The following PCDH15 variants were observed in gnomAD, a reference collection of about 807,000 sequenced individuals.
The protein encoded by PCDH15 is protocadherin-15.
A neutral mutation model predicts 178.5 loss-of-function variants in PCDH15; 129 were observed. The ratio of observed to expected loss-of-function variants is 0.72; its 90% CI spans 0.63 to 0.84. The LOEUF is 0.84. Ranked by LOEUF, PCDH15 falls within the 40% of genes least tolerant of loss-of-function variation. The pLI, the probability that PCDH15 is intolerant of heterozygous loss-of-function variation, is 0.00. For missense variants in PCDH15, 2,230 were observed against 2,099.9 expected, an observed-to-expected ratio of 1.06 and a Z score of -1.21; for synonymous variants, 800 against 732.0, an observed-to-expected ratio of 1.09 and a Z score of -1.50.
At chr10:54,042,413 G>A (rs1236476455) in intron 18 of PCDH15, among the ~76,000 whole-genome samples, 2 of 152,074 alleles carry the variant, frequency 1.3e-5, no homozygotes, top group Non-Finnish European at 2.9e-5. Flanking sequence ...AAGGGAAAGG[G>A]GGTATACTTG....
At chr10:53,838,061 G>C (rs1360376040) in intron 29 of PCDH15, among the ~76,000 whole-genome samples, 1 of 151,336 alleles carries the variant, frequency 6.6e-6, no homozygotes, top group Non-Finnish European at 1.5e-5. Context: ...CTGCATGCTC[G>C]GCCTCCTGGG....
At chr10:55,282,427 T>C (rs1277940092) in intron 1 of PCDH15, among the ~76,000 whole-genome samples, 1 of 152,200 alleles carries the variant, frequency 6.6e-6, no homozygotes, top group African/African-American at 2.4e-5. Context: ...ACACTGTTAT[T>C]ACACTATGTC....
chr10:55,310,266 GC>G (rs1399471595), intron 1 of PCDH15, among the ~76,000 whole-genome samples: 3 of 151,712 alleles, frequency 2.0e-5, no homozygotes, highest in African/African-American at 7.3e-5. Flanking sequence ...ATTTTATTAT[GC>G]CCCCAGCATG....
At chr10:54,596,052 T>G (rs2092219142) in intron 2 of PCDH15, among the ~76,000 whole-genome samples, 1 of 152,042 alleles carries the variant, frequency 6.6e-6, no homozygotes, top group South Asian at 2.1e-4. Context: ...AGTCAGGATA[T>G]CATCCATGAG....
chr10:54,003,052 C>T (rs560573012), intron 20 of PCDH15, among the ~76,000 whole-genome samples: 1 of 152,094 alleles, frequency 6.6e-6, no homozygotes, highest in South Asian at 2.1e-4. Flanking sequence ...TTAGCAAGAC[C>T]ACGAATCCAT....
intron 2 of PCDH15, among the ~76,000 whole-genome samples, chr10:54,983,954 G>A (rs181600702): frequency 5.9e-5 from 9 of 152,216 alleles, no homozygotes; most frequent in South Asian, 4.1e-4. Flanking sequence ...TAGCATAAAC[G>A]CTATATATAT....
At chr10:54,787,331 T>A (rs1474310110) in intron 1 of PCDH15, among the ~76,000 whole-genome samples, 4 of 151,950 alleles carry the variant, frequency 2.6e-5, no homozygotes, top group African/African-American at 9.7e-5. Flanking sequence ...GTTACACAAA[T>A]ATATAAAGTG....
At chr10:53,949,146 G>A (rs76745993) in intron 23 of PCDH15, among the ~76,000 whole-genome samples, 4,650 of 152,274 alleles carry the variant, frequency 0.031, 113 homozygotes, top group Middle Eastern at 0.058. Context: ...ATGTGAAAGA[G>A]AAATTAAATT....
intron 2 of PCDH15, among the ~76,000 whole-genome samples, chr10:54,563,922 C>T (rs932573704): frequency 6.6e-6 from 1 of 152,156 alleles, no homozygotes; most frequent in African/African-American, 2.4e-5. Context: ...GACTGGTTGC[C>T]TCACAGGGGG....
intron 2 of PCDH15, among the ~76,000 whole-genome samples, chr10:55,496,606 G>C (rs1310898244): frequency 6.6e-6 from 1 of 151,746 alleles, no homozygotes; most frequent in East Asian, 2.0e-4. Flanking sequence ...TACAAACCTT[G>C]TGCTGATGAA....
intron 1 of PCDH15, among the ~76,000 whole-genome samples, chr10:54,795,851 T>C (rs1564478136): frequency 6.6e-6 from 1 of 151,918 alleles, no homozygotes; most frequent in Non-Finnish European, 1.5e-5. Flanking sequence ...TCAAGAATTA[T>C]ACCTAAATAA....
intron 2 of PCDH15, among the ~76,000 whole-genome samples, chr10:55,407,009 T>C (rs1224577039): frequency 2.0e-5 from 3 of 152,152 alleles, no homozygotes; most frequent in African/African-American, 7.2e-5. Context: ...GCTGAGAGCT[T>C]AAAATGACCA....
At chr10:55,192,281 C>T (rs537956210) in intron 1 of PCDH15, among the ~76,000 whole-genome samples, 1 of 151,852 alleles carries the variant, frequency 6.6e-6, no homozygotes, top group East Asian at 1.9e-4. Context: ...CAGTGCCATT[C>T]TCCAGATGGC....
At chr10:54,120,662 A>T (rs906956058) in intron 15 of PCDH15, among the ~76,000 whole-genome samples, 3 of 152,194 alleles carry the variant, frequency 2.0e-5, no homozygotes, top group African/African-American at 7.2e-5. Context: ...CAGAGATTAA[A>T]CTAACAACAC....
chr10:55,533,354 C>T (rs1356548730), intron 2 of PCDH15, among the ~76,000 whole-genome samples: 2 of 152,008 alleles, frequency 1.3e-5, no homozygotes, highest in Non-Finnish European at 2.9e-5. Flanking sequence ...CAAGGTCTTA[C>T]TAGAACTAAT....
intron 2 of PCDH15, among the ~76,000 whole-genome samples, chr10:55,452,444 A>G (rs567443442): frequency 6.6e-6 from 1 of 152,298 alleles, no homozygotes; most frequent in African/African-American, 2.4e-5. Context: ...GGTTTGCTGT[A>G]TAATGCTTAT....
chr10:53,957,783 T>C (rs888460532), intron 23 of PCDH15, among the ~76,000 whole-genome samples: 2 of 151,956 alleles, frequency 1.3e-5, no homozygotes, highest in African/African-American at 2.4e-5. Context: ...TAGCAAAGAA[T>C]TGGAATCCAA....
chr10:53,938,151 G>A (rs912796910), intron 25 of PCDH15, among the ~76,000 whole-genome samples: 3 of 152,002 alleles, frequency 2.0e-5, no homozygotes, highest in African/African-American at 7.2e-5. Context: ...GCTTTTATAT[G>A]CTTCTCTGTG....
Position 54,346,249 on chromosome 10 carries a change from G to C in PCDH15, c.594+116C>G, listed in dbSNP as rs746024237. The C allele has an allele frequency of 6.7e-5, 63 of 939,048 alleles. 1 individual carries two copies. The highest frequency in any genetic ancestry group is 8.4e-5 in the Non-Finnish European group (52 of 621,110). 58.2% of individuals were successfully genotyped at this position (939,048 alleles called of 1,614,324 possible). A position where few individuals can be genotyped will look rare whatever the true frequency, so the allele number is the denominator to read the frequency against. ...AATTTTGAGACATTTTTAAATAATA[G>C]TATCATTACTAATCTGGTTCTGGAA... is the stretch of plus-strand genomic sequence containing the variant. On this transcript the variant is annotated intron_variant, in intron 6 of 37. Coordinates refer to ENST00000644397, the MANE Select transcript of PCDH15 (RefSeq NM_001384140.1).
Sources: allele counts gnomAD v4.1 joint callset (sites outside exome capture counted in the v4.1 genomes callset), GRCh38; gene constraint gnomAD v4.1.1; transcripts MANE v1.5; gene names NCBI Gene and HGNC (gene_info 2026-07-23, HGNC 2026-07-21).